Variants in NTRK2 observed in about 807,000 individuals in gnomAD.
NTRK2 encodes neurotrophic receptor tyrosine kinase 2, also known as BDNF/NT-3 growth factors receptor.
Under a neutral mutation model 94.5 loss-of-function variants are expected in NTRK2, and 13 were observed. That is an observed-to-expected ratio of 0.14 (90% CI 0.09 to 0.22). The LOEUF is 0.22. Ranked by LOEUF, NTRK2 falls within the 10% of genes least tolerant of loss-of-function variation. The pLI is 1.00. For missense variants in NTRK2, 639 were observed against 1,071.2 expected (o/e 0.60, Z 5.63); for synonymous variants, 372 against 407.4 (o/e 0.91, Z 1.05).
intron 12 of NTRK2, among the ~76,000 whole-genome samples, chr9:84,757,511 TC>T (rs756704448): frequency 7.8e-4 from 119 of 152,344 alleles, no homozygotes; most frequent in Non-Finnish European, 1.4e-3. Flanking sequence ...TTGTCTGATA[TC>T]AGGCTACTTG....
chr9:84,802,639 G>A (rs1323677935), intron 12 of NTRK2, among the ~76,000 whole-genome samples: 1 of 152,216 alleles, frequency 6.6e-6, no homozygotes, highest in Non-Finnish European at 1.5e-5. Context: ...CAAGTGAGGG[G>A]TTCTGTTGGC....
At position 84,724,247 on chromosome 9, in the gene NTRK2, C is replaced by A. The variant is rs1215793092; in HGVS notation, c.744C>A (p.Gly248=). The A allele has an allele frequency of 1.2e-6, 2 of 1,613,936 alleles. No homozygotes were observed. Among genetic ancestry groups the A allele is most frequent in the Non-Finnish European group, 1.7e-6 (2 of 1,179,948 alleles). Residue 248 remains glycine (G), a synonymous_variant, in exon 8 of 19, where the codon GGC becomes GGA. Transcript: ENST00000277120. The stretch of plus-strand genomic sequence containing the variant: ...AGAATGAAACAAGCCACACACAGGG[C>A]TCCTTAAGGATAACTAACATTTCAT... ...KHMNETSHTQ[G]SLRITNISSD...
chr9:84,687,170 C>T (rs2059769836), intron 2 of NTRK2, among the ~76,000 whole-genome samples: 1 of 152,124 alleles, frequency 6.6e-6, no homozygotes, highest in Non-Finnish European at 1.5e-5. Flanking sequence ...TGCCTTTGGC[C>T]TCCCAAAATG....
intron 17 of NTRK2, among the ~76,000 whole-genome samples, chr9:84,957,813 A>G (rs1824339633): frequency 1.3e-5 from 2 of 152,250 alleles, no homozygotes; most frequent in Non-Finnish European, 2.9e-5. Flanking sequence ...TAGTATTACT[A>G]TTAATAGCTA....
rs1166254244 is a variant in NTRK2 at position 85,024,783 on chromosome 9, C to T, written c.*3346C>T. 1 of 232,962 alleles carries T rather than the reference C, an allele frequency of 4.3e-6. No homozygotes were observed. Among genetic ancestry groups the T allele is most frequent in the Non-Finnish European group, 8.5e-6 (1 of 117,966 alleles). 14.4% of individuals were successfully genotyped at this position (232,962 alleles called of 1,614,324 possible). On this transcript the variant is annotated 3_prime_UTR_variant, in exon 19 of 19. Coordinates refer to ENST00000277120, the MANE Select transcript of NTRK2 (RefSeq NM_006180.6). The stretch of plus-strand genomic sequence containing the variant: ...CTAAATTCAGCTAAATTCTTGTACA[C>T]TGAACCAATGTCATAATCAGGCTTA...
At chr9:84,870,331 G>GTGTCTATATATATATA (rs1349303529) in intron 14 of NTRK2, among the ~76,000 whole-genome samples, 1 of 31,176 alleles carries the variant, frequency 3.2e-5, no homozygotes, top group Non-Finnish European at 6.8e-5. Context: ...GTGTGTGTGT[G>GTGTCTATATATATATA]TATATATATA....
chr9:85,023,541 G>A lies in NTRK2; in HGVS notation c.*2104G>A, dbSNP rs777591604. 3.0e-5 allele frequency: 7 copies of A among 232,500 alleles called. No homozygotes were observed. Among genetic ancestry groups the A allele is most frequent in the Non-Finnish European group, 5.1e-5 (6 of 117,728 alleles). 14.4% of individuals were successfully genotyped at this position (232,500 alleles called of 1,614,324 possible). A position where few individuals can be genotyped will look rare whatever the true frequency, so the allele number is the denominator to read the frequency against. ...CTTACGTCCATTCAAGTTATATGCTGGCCTATGAGAGATGAGAGTTGGGTC... is the reference window on the plus strand; with the variant it reads ...CTTACGTCCATTCAAGTTATATGCTAGCCTATGAGAGATGAGAGTTGGGTC... On this transcript the variant is annotated 3_prime_UTR_variant, in exon 19 of 19. Transcript: ENST00000277120.
intron 12 of NTRK2, 81 bp downstream of exon 12, chr9:84,752,166 A>T: frequency 9.4e-7 from 1 of 1,059,772 alleles, no homozygotes; most frequent in Non-Finnish European, 1.5e-6. Flanking sequence ...CTAAAGAAGG[A>T]AGTGGCTAGA....
At chr9:84,720,741 T>G (rs1220774743) in intron 6 of NTRK2, among the ~76,000 whole-genome samples, 3 of 151,986 alleles carry the variant, frequency 2.0e-5, no homozygotes, top group African/African-American at 7.2e-5. Context: ...TATAAATATA[T>G]GATAGAAATC....
At chr9:84,965,345 G>A (rs1825427852) in intron 17 of NTRK2, among the ~76,000 whole-genome samples, 1 of 152,142 alleles carries the variant, frequency 6.6e-6, no homozygotes, top group African/African-American at 2.4e-5. Context: ...GATGTATTCT[G>A]TTCCCCAAGG....
intron 2 of NTRK2, among the ~76,000 whole-genome samples, chr9:84,697,497 T>G (rs2060457665): frequency 6.6e-6 from 1 of 152,208 alleles, no homozygotes; most frequent in African/African-American, 2.4e-5. Flanking sequence ...CTTGACTCGG[T>G]GAAGAGCCCA....
intron 14 of NTRK2, among the ~76,000 whole-genome samples, chr9:84,929,716 C>A (rs996818396): frequency 2.6e-5 from 4 of 152,080 alleles, no homozygotes; most frequent in African/African-American, 9.7e-5. Context: ...TGCATGCCAC[C>A]ATGTCCGTTT....
chr9:84,860,367 C>A (rs573050392), intron 12 of NTRK2, among the ~76,000 whole-genome samples: 1 of 152,136 alleles, frequency 6.6e-6, no homozygotes, highest in East Asian at 1.9e-4. Context: ...GCCTACTGGA[C>A]CTTGTGTTCT....
chr9:84,822,387 T>C (rs1162964002), intron 12 of NTRK2, among the ~76,000 whole-genome samples: 5 of 152,192 alleles, frequency 3.3e-5, no homozygotes, highest in Non-Finnish European at 7.3e-5. Context: ...ATGAAGAAAT[T>C]AGGAGCCTTC....
At chr9:84,705,158 G>A (rs2060967422) in intron 4 of NTRK2, among the ~76,000 whole-genome samples, 1 of 151,738 alleles carries the variant, frequency 6.6e-6, no homozygotes, top group African/African-American at 2.4e-5. Context: ...CGGGTTTTAG[G>A]GAAATTTAAA....
intron 14 of NTRK2, among the ~76,000 whole-genome samples, chr9:84,915,964 G>T (rs559517360): frequency 1.3e-5 from 2 of 152,184 alleles, no homozygotes; most frequent in East Asian, 3.9e-4. Context: ...GGATAATGAG[G>T]TTGATACAAC....
chr9:84,908,636 A>T (rs2077148013), intron 14 of NTRK2, among the ~76,000 whole-genome samples: 1 of 152,216 alleles, frequency 6.6e-6, no homozygotes, highest in African/African-American at 2.4e-5. Flanking sequence ...GCACTTATTA[A>T]ATAGCAGGGT....
At chr9:84,952,535 G>T (rs1823602695) in intron 16 of NTRK2, among the ~76,000 whole-genome samples, 1 of 152,232 alleles carries the variant, frequency 6.6e-6, no homozygotes, top group African/African-American at 2.4e-5. Flanking sequence ...ACCTGGGAAA[G>T]TGAAAGCAGA....
chr9:84,712,454 A>T (rs1444601812), intron 6 of NTRK2, among the ~76,000 whole-genome samples: 1 of 152,172 alleles, frequency 6.6e-6, no homozygotes, highest in African/African-American at 2.4e-5. Flanking sequence ...TTTTGAATCT[A>T]CTGTAATGAG....
Sources: allele counts gnomAD v4.1 joint callset (sites outside exome capture counted in the v4.1 genomes callset), GRCh38; gene constraint gnomAD v4.1.1; transcripts MANE v1.5; gene names NCBI Gene and HGNC (gene_info 2026-07-23, HGNC 2026-07-21).